Variants in DBF4B observed in about 807,000 individuals in gnomAD.
DBF4B encodes the protein DBF4B-CDC7 kinase regulatory subunit.
In DBF4B, 49 loss-of-function variants were observed where a neutral mutation model predicts 53.4. The ratio of observed to expected loss-of-function variants is 0.92; its 90% CI spans 0.73 to 1.16. The LOEUF (loss-of-function observed/expected upper bound fraction) is 1.16, where lower values mean the gene tolerates loss of function less well. Ranked by LOEUF, DBF4B falls within the 50% of genes most tolerant of loss-of-function variation. DBF4B has a pLI of 0.00. For synonymous variants in DBF4B, 257 were observed against 288.7 expected (o/e 0.89, Z 1.11); for missense variants, 692 against 775.0 (o/e 0.89, Z 1.27).
chr17:44,748,315 A>G, intron 12 of DBF4B, 26 bp from the exon 13 acceptor site: 1 of 1,565,152 alleles, frequency 6.4e-7, no homozygotes, highest in Non-Finnish European at 8.7e-7. Flanking sequence ...TGAAACCTGC[A>G]GCTCACAGTG....
chr17:44,746,103 G>A (rs554092323), intron 10 of DBF4B, among the ~76,000 whole-genome samples: 1 of 150,832 alleles, frequency 6.6e-6, no homozygotes, highest in Admixed American at 6.6e-5. Context: ...GTGGTGGTGT[G>A]TTCCTGTAAT....
rs1037024023 is a variant in DBF4B at position 44,711,418 on chromosome 17, C to T, written c.82+2052C>T. Among the ~76,000 whole-genome samples, 7 of 152,268 alleles carry T rather than the reference C, an allele frequency of 4.6e-5. No homozygotes were observed. In the East Asian group the frequency reaches 1.4e-3, roughly 29 times the overall value. Reference sequence around the variant, plus strand: ...CTCAAAGCCCTGGGTGCAAGCAATTCTCCTGCCTCAGTCTCCCAATCTCCT... The same window carrying T: ...CTCAAAGCCCTGGGTGCAAGCAATTTTCCTGCCTCAGTCTCCCAATCTCCT... On this transcript the variant is annotated intron_variant, in intron 2 of 13. Coordinates refer to ENST00000315005, the MANE Select transcript of DBF4B (RefSeq NM_145663.3).
chr17:44,731,178 C>T, intron 5 of DBF4B, 163 bp downstream of exon 5: 2 of 785,170 alleles, frequency 2.5e-6, no homozygotes, highest in South Asian at 1.6e-5. Context: ...GAGGCTCAGA[C>T]AAGTTATTTA....
intron 1 of DBF4B, 88 bp from the exon 2 acceptor site, chr17:44,709,216 C>T: frequency 6.5e-7 from 1 of 1,542,732 alleles, no homozygotes; most frequent in Non-Finnish European, 8.9e-7. Context: ...CGTTTCTGTG[C>T]GCGTTTTGGG....
intron 2 of DBF4B, among the ~76,000 whole-genome samples, chr17:44,716,071 G>C (rs996551981): frequency 2.6e-5 from 4 of 151,366 alleles, no homozygotes; most frequent in Non-Finnish European, 5.9e-5. Flanking sequence ...TAATCCACCC[G>C]CCTCGGCCTC....
chr17:44,739,713 C>G lies in DBF4B; in HGVS notation c.713+1289C>G, dbSNP rs559174642. ...ATATCACTGTCACCAGAGAGGGGTACACATATTCCTGGCATTATAGGCCAG... is the reference window on the plus strand; with the variant it reads ...ATATCACTGTCACCAGAGAGGGGTAGACATATTCCTGGCATTATAGGCCAG... On this transcript the variant is annotated intron_variant, in intron 9 of 13. Transcript: ENST00000315005. Among the ~76,000 whole-genome samples the G allele has an allele frequency of 2.6e-5, 4 of 152,286 alleles. No individual in the cohort carries two copies. In the East Asian group the frequency reaches 7.7e-4, roughly 29 times the overall value.
At chr17:44,742,634 C>A (rs1976182955) in intron 10 of DBF4B, among the ~76,000 whole-genome samples, 1 of 152,044 alleles carries the variant, frequency 6.6e-6, no homozygotes, top group South Asian at 2.1e-4. Flanking sequence ...GATGATGGAG[C>A]CCCAAAAGCT....
chr17:44,749,009 A>T lies in DBF4B; in HGVS notation c.1189+544A>T. ...AAAGGGTGGCCCCCAGGGCCTGAGG[A>T]TTCTGAGTGTACAGCCACTGGCCCT... On this transcript the variant is annotated intron_variant, in intron 13 of 13. Coordinates refer to ENST00000315005, the MANE Select transcript of DBF4B (RefSeq NM_145663.3). The surrounding 1 kb of genome is among the most constrained non-coding windows in gnomAD (Gnocchi z 4.4). 7.8e-7 allele frequency: 1 copy of T among 1,289,808 alleles called. No individual in the cohort carries two copies. The highest frequency in any genetic ancestry group is 1.0e-6 in the Non-Finnish European group (1 of 988,848). 79.9% of individuals were successfully genotyped at this position (1,289,808 alleles called of 1,614,324 possible).
At chr17:44,711,952 G>C (rs572883980) in intron 2 of DBF4B, among the ~76,000 whole-genome samples, 98 of 149,932 alleles carry the variant, frequency 6.5e-4, no homozygotes, top group African/African-American at 2.4e-3. Flanking sequence ...AAAAAAATTA[G>C]CTGGCGTGGT....
intron 3 of DBF4B, among the ~76,000 whole-genome samples, chr17:44,729,683 T>TACACACACACACACACACAC (rs71361592): frequency 5.1e-5 from 7 of 138,256 alleles, no homozygotes; most frequent in African/African-American, 1.9e-4. Flanking sequence ...GTAATACACA[T>TACACACACACACACACACAC]ACACACACAC....
intron 3 of DBF4B, among the ~76,000 whole-genome samples, chr17:44,728,709 C>A (rs930739580): frequency 1.3e-5 from 2 of 151,294 alleles, no homozygotes; most frequent in African/African-American, 4.9e-5. Flanking sequence ...CTCAGCTATT[C>A]GGGAGGCTGA....
chr17:44,739,852 C>T (rs577203868), intron 9 of DBF4B, among the ~76,000 whole-genome samples: 1 of 152,104 alleles, frequency 6.6e-6, no homozygotes, highest in Non-Finnish European at 1.5e-5. Flanking sequence ...CTCACTGCAA[C>T]CCCTGCCTCC....
chr17:44,725,352 G>A (rs960693922), intron 3 of DBF4B, among the ~76,000 whole-genome samples: 1 of 152,066 alleles, frequency 6.6e-6, no homozygotes, highest in African/African-American at 2.4e-5. Context: ...AGAGAACATG[G>A]AACTACTCCA....
At chr17:44,731,318 AGT>A in intron 5 of DBF4B, 1 of 330,570 alleles carries the variant, frequency 3.0e-6, no homozygotes, top group Non-Finnish European at 5.9e-6. Flanking sequence ...TTCTTTTACA[AGT>A]AACTCTAGGC....
At chr17:44,744,215 C>G (rs1194460390) in intron 10 of DBF4B, among the ~76,000 whole-genome samples, 1 of 151,554 alleles carries the variant, frequency 6.6e-6, no homozygotes, top group East Asian at 2.0e-4. Context: ...AGTTTGAGAC[C>G]AGCCTGAGCA....
intron 2 of DBF4B, among the ~76,000 whole-genome samples, chr17:44,710,130 G>A (rs1972733048): frequency 6.6e-6 from 1 of 151,756 alleles, no homozygotes. Flanking sequence ...CCGAGATTGC[G>A]CCACTGCACT....
At chr17:44,746,998 A>T in intron 10 of DBF4B, 85 bp from the exon 11 acceptor site, 1 of 1,300,890 alleles carries the variant, frequency 7.7e-7, no homozygotes, top group Non-Finnish European at 1.1e-6. Flanking sequence ...CCCCTCCCTG[A>T]CCTAGGCTCC....
In DBF4B at chr17:44,709,493, A is replaced by G. The variant is rs529829529; in HGVS notation, c.82+127A>G. On this transcript the variant is annotated intron_variant, in intron 2 of 13. Coordinates refer to ENST00000315005, the MANE Select transcript of DBF4B (RefSeq NM_145663.3). ...AGTGTTTTTATGTACTTATTTATTC[A>G]TTTTATTTATTGGGATGGGGTCTTG... The G allele has an allele frequency of 1.3e-5, 14 of 1,045,334 alleles. 1 individual carries two copies. The East Asian group carries it at 2.2e-4, about 16-fold the overall frequency. 64.8% of individuals were successfully genotyped at this position (1,045,334 alleles called of 1,614,324 possible). A position where few individuals can be genotyped will look rare whatever the true frequency, so the allele number is the denominator to read the frequency against.
chr17:44,708,780 C>G lies in DBF4B; in HGVS notation c.-41C>G. 6.5e-7 allele frequency: 1 copy of G among 1,549,070 alleles called. No homozygotes were observed. ...GCTCGCGAATGTAATACGGAGGCCT[C>G]TGAGGAAGGAGTACGGAGGCCGAGA... On this transcript the variant is annotated 5_prime_UTR_variant, in exon 1 of 14. Coordinates refer to ENST00000315005, the MANE Select transcript of DBF4B (RefSeq NM_145663.3).
Sources: allele counts gnomAD v4.1 joint callset (sites outside exome capture counted in the v4.1 genomes callset), GRCh38; gene constraint gnomAD v4.1.1; non-coding constraint Gnocchi (gnomAD v3.1); transcripts MANE v1.5; gene names NCBI Gene and HGNC (gene_info 2026-07-23, HGNC 2026-07-21).